The following RARB variants were observed in gnomAD, a reference collection of about 807,000 sequenced individuals.
RARB encodes the protein retinoic acid receptor beta, also known as HBV-activated protein.
A neutral mutation model predicts 51.9 loss-of-function variants in RARB; 17 were observed. The observed-to-expected ratio is 0.33, with a 90% confidence interval of 0.22 to 0.49. RARB has a LOEUF of 0.49. Ranked by LOEUF, RARB falls within the 20% of genes least tolerant of loss-of-function variation. The probability of loss-of-function intolerance (pLI) is 0.99; values close to 1 mark genes in which losing one functional copy is unlikely to be tolerated. For missense variants in RARB, 369 were observed against 550.8 expected (o/e 0.67, Z 3.30); for synonymous variants, 215 against 195.4 (o/e 1.10, Z -0.84).
At chr3:25,115,190 T>C (rs940623044) in intron 3 of RARB, among the ~76,000 whole-genome samples, 8 of 152,200 alleles carry the variant, frequency 5.3e-5, no homozygotes, top group Non-Finnish European at 1.0e-4. Context: ...AGCCATGTTT[T>C]ACTAAAAAAA....
intron 2 of RARB, among the ~76,000 whole-genome samples, chr3:24,901,968 C>T (rs975161027): frequency 4.0e-5 from 6 of 151,566 alleles, no homozygotes; most frequent in African/African-American, 1.5e-4. Flanking sequence ...ATTACTTTTG[C>T]ACCAACCTAA....
chr3:25,574,857 C>T (rs187712136), intron 4 of RARB, among the ~76,000 whole-genome samples: 117 of 152,208 alleles, frequency 7.7e-4, no homozygotes, highest in African/African-American at 2.7e-3. Flanking sequence ...GAACCTGGAA[C>T]TCGGGGAGCT....
At chr3:25,031,086 C>T (rs759273669) in intron 2 of RARB, among the ~76,000 whole-genome samples, 3 of 152,100 alleles carry the variant, frequency 2.0e-5, no homozygotes, top group African/African-American at 4.8e-5. Flanking sequence ...AGGGTTGTCC[C>T]GTGCATTGTA....
intron 1 of RARB, among the ~76,000 whole-genome samples, chr3:24,839,269 G>A (rs1420068313): frequency 6.6e-6 from 1 of 152,126 alleles, no homozygotes; most frequent in African/African-American, 2.4e-5. Flanking sequence ...AGATACTGCT[G>A]CAGTGCTGTT....
At chr3:25,094,589 G>C (rs1699259100) in intron 3 of RARB, among the ~76,000 whole-genome samples, 1 of 151,760 alleles carries the variant, frequency 6.6e-6, no homozygotes, top group Non-Finnish European at 1.5e-5. Context: ...GTGATGGCAT[G>C]CGCCTGTGGT....
chr3:24,877,555 A>G (rs948214538), intron 2 of RARB, among the ~76,000 whole-genome samples: 3 of 152,052 alleles, frequency 2.0e-5, no homozygotes, highest in Non-Finnish European at 2.9e-5. Flanking sequence ...TGATGGTTCA[A>G]CAAGACCACA....
intron 5 of RARB, among the ~76,000 whole-genome samples, chr3:25,270,868 G>A (rs1248751228): frequency 6.6e-6 from 1 of 152,106 alleles, no homozygotes; most frequent in Non-Finnish European, 1.5e-5. Flanking sequence ...TACAAGCAAT[G>A]GCAAAAACCG....
intron 3 of RARB, among the ~76,000 whole-genome samples, chr3:25,564,323 AAGG>A (rs1700396935): frequency 6.6e-6 from 1 of 152,234 alleles, no homozygotes; most frequent in African/African-American, 2.4e-5. Flanking sequence ...AGCCCCTCAC[AAGG>A]AGAATACTTG....
chr3:25,018,223 A>G (rs1697556715), intron 2 of RARB, among the ~76,000 whole-genome samples: 1 of 149,218 alleles, frequency 6.7e-6, no homozygotes, highest in African/African-American at 2.4e-5. Context: ...AAACAAACAT[A>G]TTGTGCAAAT....
intron 1 of RARB, among the ~76,000 whole-genome samples, chr3:24,841,280 G>A (rs1702418568): frequency 6.6e-6 from 1 of 152,210 alleles, no homozygotes; most frequent in Non-Finnish European, 1.5e-5. Flanking sequence ...GGAGAAAGGA[G>A]TTTACCTGCT....
At chr3:24,998,960 C>T (rs1039437783) in intron 2 of RARB, among the ~76,000 whole-genome samples, 2 of 152,022 alleles carry the variant, frequency 1.3e-5, no homozygotes, top group African/African-American at 2.4e-5. Context: ...AAAGTATTAT[C>T]CTTACCCTAA....
intron 4 of RARB, among the ~76,000 whole-genome samples, chr3:25,161,983 A>G (rs918698154): frequency 1.3e-5 from 2 of 152,170 alleles, no homozygotes; most frequent in Non-Finnish European, 1.5e-5. Flanking sequence ...GACACACAAG[A>G]CAATCTGGCC....
chr3:25,350,955 C>T (rs540279916), intron 5 of RARB, among the ~76,000 whole-genome samples: 27 of 152,272 alleles, frequency 1.8e-4, no homozygotes, highest in African/African-American at 6.3e-4. Flanking sequence ...GAGGCTTTTT[C>T]TGTAGAGCCT....
intron 5 of RARB, among the ~76,000 whole-genome samples, chr3:25,332,751 T>C (rs1374622708): frequency 6.6e-6 from 1 of 152,200 alleles, no homozygotes; most frequent in Non-Finnish European, 1.5e-5. Flanking sequence ...TGTTTGCAGA[T>C]GACATGATTG....
intron 5 of RARB, among the ~76,000 whole-genome samples, chr3:25,229,379 T>G (rs1575236827): frequency 6.6e-6 from 1 of 152,186 alleles, no homozygotes; most frequent in African/African-American, 2.4e-5. Flanking sequence ...ATTTCTAAAT[T>G]GAATTTGATA....
chr3:25,144,416 G>T (rs1374519296), intron 4 of RARB, among the ~76,000 whole-genome samples: 3 of 152,074 alleles, frequency 2.0e-5, no homozygotes. Flanking sequence ...GAGCTACAAG[G>T]CAAGCTATTC....
At chr3:25,390,575 AT>A (rs1361042738) in intron 5 of RARB, among the ~76,000 whole-genome samples, 3 of 147,928 alleles carry the variant, frequency 2.0e-5, no homozygotes, top group African/African-American at 7.3e-5. Context: ...AGACCCGTTC[AT>A]TTTTTTCTCT....
At chr3:25,286,136 T>C (rs1017745221) in intron 5 of RARB, among the ~76,000 whole-genome samples, 4 of 130,100 alleles carry the variant, frequency 3.1e-5, no homozygotes, top group Middle Eastern at 5.4e-3. Flanking sequence ...TCACCAAGGC[T>C]GGAGTGCAGT....
At chr3:25,171,642 G>GGAAAAAAAAAAAAAAAAAAAA (rs1559491263) in intron 4 of RARB, among the ~76,000 whole-genome samples, 1 of 2,382 alleles carries the variant, frequency 4.2e-4, no homozygotes, top group African/African-American at 1.3e-3. Flanking sequence ...TCCCTGGTTG[G>GGAAAAAAAAAAAAAAAAAAAA]TAAAAAAAAA....
Sources: gnomAD v4.1 joint callset for allele counts (sites outside exome capture counted in the v4.1 genomes callset) on GRCh38, gnomAD v4.1.1 for gene constraint, MANE v1.5 for transcripts, NCBI Gene and HGNC (gene_info 2026-07-23, HGNC 2026-07-21) for gene names.